Variants in AUTS2 observed in about 807,000 individuals in gnomAD.
The protein encoded by AUTS2 is autism susceptibility gene 2 protein.
AUTS2 carries 17 observed loss-of-function variants against 112.4 expected under a neutral mutation model. The observed-to-expected ratio is 0.15, with a 90% CI of 0.10 to 0.23. AUTS2 has a LOEUF of 0.23. AUTS2 is among the 10% of genes least tolerant of loss of function. The pLI is 1.00. For missense variants in AUTS2, 1,510 were observed against 1,701.6 expected (o/e 0.89, Z 1.98); for synonymous variants, 751 against 702.7 (o/e 1.07, Z -1.09).
At chr7:69,675,312 G>C (rs1171162098) in intron 1 of AUTS2, among the ~76,000 whole-genome samples, 1 of 151,936 alleles carries the variant, frequency 6.6e-6, no homozygotes, top group African/African-American at 2.4e-5. Context: ...TTCCATTGTT[G>C]CTTTTAAAAA....
intron 1 of AUTS2, among the ~76,000 whole-genome samples, chr7:69,703,538 C>T (rs572518980): frequency 4.6e-5 from 7 of 152,258 alleles, no homozygotes; most frequent in African/African-American, 1.7e-4. Context: ...GCCTTCAAGC[C>T]TAGATTTAGA....
chr7:69,671,214 A>G (rs1268424711), intron 1 of AUTS2, among the ~76,000 whole-genome samples: 1 of 152,132 alleles, frequency 6.6e-6, no homozygotes, highest in Non-Finnish European at 1.5e-5. Flanking sequence ...GCCTACATGT[A>G]AAAGGATTCT....
At position 70,571,841 on chromosome 7, in the gene AUTS2, C is replaced by T. The variant is rs907324157; in HGVS notation, c.691-126728C>T. Among the ~76,000 whole-genome samples, 11 of 152,204 alleles carry T rather than the reference C, an allele frequency of 7.2e-5. No homozygotes were observed. The South Asian group carries it at 1.9e-3, about 26-fold the overall frequency. On this transcript the variant is annotated intron_variant, in intron 5 of 18. Coordinates refer to ENST00000342771, the MANE Select transcript of AUTS2 (RefSeq NM_015570.4). ...TGCAGGGGTGAAGCAGGAGGACACCCTCCCTCCTGTTCTGTTCTAGCAGCC... is the reference window on the plus strand; with the variant it reads ...TGCAGGGGTGAAGCAGGAGGACACCTTCCCTCCTGTTCTGTTCTAGCAGCC...
chr7:70,168,334 G>A (rs1189218304), intron 4 of AUTS2, among the ~76,000 whole-genome samples: 6 of 152,120 alleles, frequency 3.9e-5, no homozygotes, highest in African/African-American at 1.4e-4. Context: ...CAGCTGCCTG[G>A]GTAGGAAGCA....
Position 70,703,215 on chromosome 7 carries a change from C to T in AUTS2, c.742+4595C>T, listed in dbSNP as rs73706415. Among the ~76,000 whole-genome samples, 516 of 152,194 alleles carry T rather than the reference C, an allele frequency of 3.4e-3. 6 individuals are homozygous for T. Among genetic ancestry groups the T allele is most frequent in the African/African-American group, 0.012 (505 of 41,542 alleles). Reference sequence around the variant, plus strand: ...ACTTTTAAGAAAAACCCATTCCCGCCGAGCATGGTCACTCATGCCTGTAAT... The same window carrying T: ...ACTTTTAAGAAAAACCCATTCCCGCTGAGCATGGTCACTCATGCCTGTAAT... On this transcript the variant is annotated intron_variant, in intron 6 of 18. Transcript: ENST00000342771.
chr7:70,546,622 C>CA (rs898001624), intron 5 of AUTS2, among the ~76,000 whole-genome samples: 2 of 151,412 alleles, frequency 1.3e-5, no homozygotes, highest in Admixed American at 6.6e-5. Context: ...ACTAAAAATA[C>CA]AAAAAAATTA....
intron 9 of AUTS2, among the ~76,000 whole-genome samples, chr7:70,767,122 T>C (rs1789994173): frequency 6.6e-6 from 1 of 152,226 alleles, no homozygotes; most frequent in African/African-American, 2.4e-5. Context: ...TTTTTACTTA[T>C]TTAATTTTTA....
At chr7:70,290,628 G>T (rs1788666703) in intron 4 of AUTS2, 3 of 1,412,956 alleles carry the variant, frequency 2.1e-6, no homozygotes, top group Non-Finnish European at 2.7e-6. Flanking sequence ...TTCATTTGCA[G>T]TGTGTTTTAG....
Position 70,777,183 on chromosome 7 carries a change from G to T in AUTS2, c.2004+9G>T. ...ACCAACAGAAAGTCAAGGTCAGTCCGACCTTCGTGGTGTAGGGAAGAATGG... is the reference window on the plus strand; with the variant it reads ...ACCAACAGAAAGTCAAGGTCAGTCCTACCTTCGTGGTGTAGGGAAGAATGG... On this transcript the variant is annotated intron_variant, in intron 14 of 18. Transcript: ENST00000342771. 6.2e-7 allele frequency: 1 copy of T among 1,613,368 alleles called. No homozygotes were observed. The highest frequency in any genetic ancestry group is 1.1e-5 in the South Asian group (1 of 91,044).
At chr7:69,912,895 C>T (rs1423888049) in intron 2 of AUTS2, among the ~76,000 whole-genome samples, 2 of 152,208 alleles carry the variant, frequency 1.3e-5, no homozygotes, top group African/African-American at 4.8e-5. Context: ...TTTATCATCT[C>T]TAGATTAGTG....
chr7:70,227,175 C>T lies in AUTS2; in HGVS notation c.660+92604C>T, dbSNP rs11768568. Among the ~76,000 whole-genome samples the T allele has an allele frequency of 2.3e-3, 357 of 152,008 alleles. 2 individuals are homozygous for T. The highest frequency in any genetic ancestry group is 0.02 in the Middle Eastern group (6 of 294). Reference sequence around the variant, plus strand: ...CTTATATGTGTATAAAAAGTGGAAACAATGATTCTTTTAACTTTTAAATAT... The same window carrying T: ...CTTATATGTGTATAAAAAGTGGAAATAATGATTCTTTTAACTTTTAAATAT... On this transcript the variant is annotated intron_variant, in intron 4 of 18. Transcript: ENST00000342771.
intron 5 of AUTS2, among the ~76,000 whole-genome samples, chr7:70,542,680 A>G (rs1195753248): frequency 6.6e-6 from 1 of 152,196 alleles, no homozygotes; most frequent in African/African-American, 2.4e-5. Flanking sequence ...CAGCCCCATG[A>G]AGTCAGTGGG....
intron 4 of AUTS2, among the ~76,000 whole-genome samples, chr7:70,414,493 T>C (rs1794910741): frequency 6.6e-6 from 1 of 152,134 alleles, no homozygotes; most frequent in Non-Finnish European, 1.5e-5. Context: ...GCAGGAGGCA[T>C]TTGCAGGTTG....
chr7:70,420,927 T>C (rs1002528343), intron 4 of AUTS2, among the ~76,000 whole-genome samples: 2 of 152,186 alleles, frequency 1.3e-5, no homozygotes, highest in Admixed American at 6.5e-5. Context: ...ATGTCAGTTA[T>C]ATCTCAATAA....
At chr7:70,530,055 C>T (rs1800014440) in intron 5 of AUTS2, among the ~76,000 whole-genome samples, 1 of 152,130 alleles carries the variant, frequency 6.6e-6, no homozygotes, top group Admixed American at 6.5e-5. Context: ...TATTACCACA[C>T]TGGGAAGCTC....
chr7:70,670,363 A>G (rs1312792448), intron 5 of AUTS2, among the ~76,000 whole-genome samples: 2 of 152,182 alleles, frequency 1.3e-5, no homozygotes, highest in African/African-American at 4.8e-5. Flanking sequence ...ATTAGCCCCG[A>G]TCCTCATATG....
intron 4 of AUTS2, among the ~76,000 whole-genome samples, chr7:70,221,657 T>G (rs1046229760): frequency 6.6e-6 from 1 of 152,176 alleles, no homozygotes; most frequent in Non-Finnish European, 1.5e-5. Context: ...GAGGCTGAGG[T>G]GGGCAGATCA....
chr7:69,958,582 A>G (rs943276888), intron 2 of AUTS2, among the ~76,000 whole-genome samples: 2 of 152,132 alleles, frequency 1.3e-5, no homozygotes, highest in Non-Finnish European at 2.9e-5. Flanking sequence ...TAAGGAGGAG[A>G]CAAAGGGCTA....
chr7:69,794,719 T>C (rs1789763658), intron 1 of AUTS2, among the ~76,000 whole-genome samples: 1 of 152,070 alleles, frequency 6.6e-6, no homozygotes, highest in South Asian at 2.1e-4. Context: ...CAGGGCTCTC[T>C]CTTTATGCTT....
Sources: allele counts gnomAD v4.1 joint callset (sites outside exome capture counted in the v4.1 genomes callset), GRCh38; gene constraint gnomAD v4.1.1; transcripts MANE v1.5; gene names NCBI Gene and HGNC (gene_info 2026-07-23, HGNC 2026-07-21).